Variants in RFX7 observed in about 807,000 individuals in gnomAD.
RFX7 encodes regulatory factor X7, also known as DNA-binding protein RFX7.
RFX7 carries 26 observed loss-of-function variants against 111.8 expected under a neutral mutation model. The ratio of observed to expected loss-of-function variants is 0.23; its 90% CI spans 0.17 to 0.32. The LOEUF (loss-of-function observed/expected upper bound fraction) is 0.32. RFX7 is among the 10% of genes least tolerant of loss of function. The pLI, the probability that RFX7 is intolerant of heterozygous loss-of-function variation, is 1.00. For synonymous variants in RFX7, 624 were observed against 624.4 expected (o/e 1.00, Z 0.01); for missense variants, 1,573 against 1,772.9 (o/e 0.89, Z 2.02).
chr15:56,169,071 C>A (rs2042814272), intron 3 of RFX7, among the ~76,000 whole-genome samples: 3 of 152,156 alleles, frequency 2.0e-5, no homozygotes, highest in Admixed American at 1.3e-4. Context: ...ATAAAGATTT[C>A]CGAAAATGGT....
Position 56,141,656 on chromosome 15 carries a change from A to AATATATATATATATATATAT in RFX7, c.401+1102_401+1121dup, listed in dbSNP as rs368258249. 9.5e-3 allele frequency among the ~76,000 whole-genome samples: 785 copies of AATATATATATATATATATAT among 83,042 alleles called. 82 individuals are homozygous for AATATATATATATATATATAT. The highest frequency in any genetic ancestry group is 0.027 in the African/African-American group (407 of 15,234). The allele number at this position is 83,042 out of a possible 152,430, so 54.5% of individuals were successfully genotyped here. A position where few individuals can be genotyped will look rare whatever the true frequency, so the allele number is the denominator to read the frequency against. ...TAATGAAGAATCTATGCTTACTCTA[A>AATATATATATATATATATAT]ATATATATATATATATATATGCATA... On this transcript the variant is annotated intron_variant, in intron 5 of 9. Coordinates refer to ENST00000559447, the MANE Select transcript of RFX7 (RefSeq NM_022841.7).
rs760294199 is a variant in RFX7 at position 56,094,056 on chromosome 15, T to A, written c.3672A>T (p.Gln1224His). ...GCATCATGACTGTCAATGGAACTGA[T>A]TGGCTTCTTTGAGCTATGTTGTTGG... Reference protein sequence around the residue: ...ACANNIAQRSQSVPLTVMMQT... With the variant: ...ACANNIAQRSHSVPLTVMMQT... Residue 1224 changes from glutamine to histidine, a missense_variant, in exon 10 of 10, where the codon CAA becomes CAT. By Grantham distance (24) the Gln-to-His change is conservative. Transcript: ENST00000559447. The A allele has an allele frequency of 3.1e-6, 5 of 1,613,822 alleles. No homozygotes were observed. Among genetic ancestry groups the A allele is most frequent in the Non-Finnish European group, 4.2e-6 (5 of 1,179,858 alleles).
chr15:56,235,387 G>T (rs770604281), intron 2 of RFX7, among the ~76,000 whole-genome samples: 1 of 152,058 alleles, frequency 6.6e-6, no homozygotes, highest in African/African-American at 2.4e-5. Context: ...TGTTAGCCAG[G>T]ATAGTCTTGA....
At chr15:56,160,693 A>G (rs1016609640) in intron 3 of RFX7, 90 of 152,230 alleles carry the variant, frequency 5.9e-4, no homozygotes, top group African/African-American at 2.1e-3. Context: ...GCCTCTTTAA[A>G]TTTATGGAAA....
rs183232800 is a variant in RFX7 at position 56,201,756 on chromosome 15, C to T, written c.162-22453G>A. Among the ~76,000 whole-genome samples, 242 of 152,202 alleles carry T rather than the reference C, an allele frequency of 1.6e-3. 2 individuals are homozygous for T. The highest frequency in any genetic ancestry group is 2.1e-3 in the Admixed American group (32 of 15,266). ...AAAAGTTTAAAAAACACTGGCCGGG[C>T]GTGGTGGCTCATGCCTGTAATCCCA... On this transcript the variant is annotated intron_variant, in intron 2 of 9. Transcript: ENST00000559447.
chr15:56,239,984 C>CTTT (rs5812831), intron 2 of RFX7, among the ~76,000 whole-genome samples: 35 of 120,908 alleles, frequency 2.9e-4, no homozygotes, highest in African/African-American at 9.8e-4. Flanking sequence ...TTTGGTATTT[C>CTTT]TTTTTTTTTT....
At chr15:56,100,364 CTG>C (rs2041736907) in intron 8 of RFX7, among the ~76,000 whole-genome samples, 1 of 152,160 alleles carries the variant, frequency 6.6e-6, no homozygotes. Context: ...AGGAAAAACT[CTG>C]TGACACTCTT....
chr15:56,100,453 T>G (rs538024931), intron 8 of RFX7, among the ~76,000 whole-genome samples: 10 of 152,226 alleles, frequency 6.6e-5, no homozygotes, highest in Non-Finnish European at 1.3e-4. Context: ...AATGTAAAAT[T>G]AGAAGAAAAC....
intron 2 of RFX7, among the ~76,000 whole-genome samples, chr15:56,206,905 T>C (rs1485013552): frequency 1.3e-5 from 2 of 150,992 alleles, no homozygotes; most frequent in East Asian, 1.9e-4. Context: ...GGATGGTTAA[T>C]AGTTACAAAA....
intron 5 of RFX7, among the ~76,000 whole-genome samples, chr15:56,109,316 G>A (rs1306766967): frequency 6.6e-6 from 1 of 152,262 alleles, no homozygotes; most frequent in East Asian, 1.9e-4. Flanking sequence ...CCGAGGTGCC[G>A]GGATTGCAGA....
At chr15:56,102,041 AT>A (rs1164821929) in intron 7 of RFX7, 127 bp downstream of exon 7, 630 of 642,852 alleles carry the variant, frequency 9.8e-4, no homozygotes, top group South Asian at 1.4e-3. Flanking sequence ...CCACTGTGTG[AT>A]TTTTTTTTTC....
In RFX7 at chr15:56,155,283, T is replaced by C. The variant is rs1016751671; in HGVS notation, c.196-10800A>G. Among the ~76,000 whole-genome samples, 10 of 151,346 alleles carry C rather than the reference T, an allele frequency of 6.6e-5. No individual in the cohort carries two copies. The East Asian group carries it at 1.9e-3, about 29-fold the overall frequency. ...CACAATATTACTGGGCATATACCCA[T>C]AAATCATTCTACAATAAAGGCACAT... On this transcript the variant is annotated intron_variant, in intron 3 of 9. Coordinates refer to ENST00000559447, the MANE Select transcript of RFX7 (RefSeq NM_022841.7).
intron 3 of RFX7, among the ~76,000 whole-genome samples, chr15:56,165,581 T>C (rs1232097906): frequency 1.3e-5 from 2 of 152,188 alleles, no homozygotes; most frequent in African/African-American, 2.4e-5. Context: ...CAGAAAGCCA[T>C]ATACGTACCA....
In RFX7 at chr15:56,097,938, A is replaced by T. The variant is rs1404555398; in HGVS notation, c.1107+143T>A. The T allele has an allele frequency of 1.1e-5, 7 of 658,738 alleles. No individual in the cohort carries two copies. In the African/African-American group the frequency reaches 1.3e-4, roughly 12 times the overall value. The allele number at this position is 658,738 out of a possible 1,614,324, so 40.8% of individuals were successfully genotyped here. On this transcript the variant is annotated intron_variant, in intron 9 of 9. Coordinates refer to ENST00000559447, the MANE Select transcript of RFX7 (RefSeq NM_022841.7). ...CAACAACATACATCCTGAATAAAAG[A>T]CTGAAGGGGAATGAATCTTCCTGTG...
At chr15:56,151,808 G>C (rs2042573102) in intron 3 of RFX7, among the ~76,000 whole-genome samples, 1 of 152,098 alleles carries the variant, frequency 6.6e-6, no homozygotes, top group Non-Finnish European at 1.5e-5. Context: ...CTGTATTCAG[G>C]AGACCTATCT....
intron 2 of RFX7, among the ~76,000 whole-genome samples, chr15:56,200,751 G>A (rs1488817037): frequency 1.3e-5 from 2 of 151,774 alleles, no homozygotes; most frequent in African/African-American, 4.8e-5. Context: ...GTGAGCAGAG[G>A]TCGCACCACT....
chr15:56,212,451 C>G (rs566068778), intron 2 of RFX7, among the ~76,000 whole-genome samples: 1 of 152,010 alleles, frequency 6.6e-6, no homozygotes, highest in East Asian at 1.9e-4. Flanking sequence ...ATATATCTGA[C>G]CAAACCCATA....
At chr15:56,138,667 G>C (rs2042342567) in intron 5 of RFX7, among the ~76,000 whole-genome samples, 1 of 152,116 alleles carries the variant, frequency 6.6e-6, no homozygotes, top group Admixed American at 6.5e-5. Flanking sequence ...TATGATGTTA[G>C]CTGGTTGTTT....
chr15:56,137,458 G>A (rs552231813), intron 5 of RFX7, among the ~76,000 whole-genome samples: 1 of 152,132 alleles, frequency 6.6e-6, no homozygotes, highest in Non-Finnish European at 1.5e-5. Flanking sequence ...GATTGGTGGT[G>A]ATATCCCCTT....
Sources: allele counts gnomAD v4.1 joint callset (sites outside exome capture counted in the v4.1 genomes callset), GRCh38; gene constraint gnomAD v4.1.1; transcripts MANE v1.5; gene names NCBI Gene and HGNC (gene_info 2026-07-23, HGNC 2026-07-21).